Variants in POLR3H observed in about 807,000 individuals in gnomAD.
POLR3H encodes DNA-directed RNA polymerase III subunit RPC8.
Under a neutral mutation model 25.5 loss-of-function variants are expected in POLR3H, and 17 were observed. That is an observed-to-expected ratio of 0.67 (90% CI 0.46 to 1.00). The LOEUF (loss-of-function observed/expected upper bound fraction) is 1.00. Ranked by LOEUF, POLR3H falls within the 50% of genes least tolerant of loss-of-function variation. The probability of loss-of-function intolerance (pLI) is 0.00; values close to 1 mark genes in which losing one functional copy is unlikely to be tolerated. For synonymous variants in POLR3H, 129 were observed against 103.0 expected (o/e 1.25, Z -1.53); for missense variants, 274 against 265.0 (o/e 1.03, Z -0.24).
At chr22:41,536,439 T>C (rs1224403561) in intron 2 of POLR3H, among the ~76,000 whole-genome samples, 1 of 151,678 alleles carries the variant, frequency 6.6e-6, no homozygotes, top group East Asian at 2.0e-4. Context: ...GAAGGTTGCA[T>C]AAGAATATGA....
Position 41,528,601 on chromosome 22 carries a change from A to T in POLR3H, c.*682T>A, listed in dbSNP as rs1376219594. The T allele has an allele frequency of 6.2e-7, 1 of 1,610,682 alleles. No homozygotes were observed. Among genetic ancestry groups the T allele is most frequent in the Non-Finnish European group, 8.5e-7 (1 of 1,179,742 alleles). ...GCAGTGCCCTCAACAGAATGAAGGA[A>T]CTGCAACAGTGAGGGCAGTGCCTCC... On this transcript the variant is annotated 3_prime_UTR_variant, in exon 6 of 6. Coordinates refer to ENST00000355209, the MANE Select transcript of POLR3H (RefSeq NM_001018050.4).
At chr22:41,534,500 G>C (rs2066807562) in intron 2 of POLR3H, among the ~76,000 whole-genome samples, 1 of 152,192 alleles carries the variant, frequency 6.6e-6, no homozygotes, top group African/African-American at 2.4e-5. Context: ...CACATCCATA[G>C]AGACAGAAAG....
At chr22:41,530,632 C>T in intron 5 of POLR3H, 55 bp downstream of exon 5, 1 of 1,508,534 alleles carries the variant, frequency 6.6e-7, no homozygotes, top group Non-Finnish European at 9.0e-7. Context: ...GCTTCCAGCC[C>T]TGCACTCCGG....
At position 41,527,612 on chromosome 22, in the gene POLR3H, C is replaced by T; in HGVS notation, c.*1671G>A. The stretch of plus-strand genomic sequence containing the variant: ...CTCAGCTTCCCGGCTTCCCGCAGGC[C>T]CTGCTTCCAGGCTTGTAGATCTGAG... On this transcript the variant is annotated 3_prime_UTR_variant, in exon 6 of 6. Coordinates refer to ENST00000355209, the MANE Select transcript of POLR3H (RefSeq NM_001018050.4). 3.4e-6 allele frequency: 3 copies of T among 881,306 alleles called. No homozygotes were observed. Among genetic ancestry groups the T allele is most frequent in the East Asian group, 5.3e-5 (2 of 37,674 alleles). 54.6% of individuals were successfully genotyped at this position (881,306 alleles called of 1,614,324 possible).
At position 41,529,218 on chromosome 22, in the gene POLR3H, T is replaced by C. The variant is rs2066669675; in HGVS notation, c.*65A>G. The stretch of plus-strand genomic sequence containing the variant: ...TCCTTAGCATCGGCCTCAGCTGCTG[T>C]TGTCTTCACAGCCGGCCATACCACC... On this transcript the variant is annotated 3_prime_UTR_variant, in exon 6 of 6. Coordinates refer to ENST00000355209, the MANE Select transcript of POLR3H (RefSeq NM_001018050.4). 3 of 1,427,002 alleles carry C rather than the reference T, an allele frequency of 2.1e-6. No homozygotes were observed. The highest frequency in any genetic ancestry group is 2.9e-6 in the Non-Finnish European group (3 of 1,024,582). 88.4% of individuals were successfully genotyped at this position (1,427,002 alleles called of 1,614,324 possible). A position where few individuals can be genotyped will look rare whatever the true frequency, so the allele number is the denominator to read the frequency against.
chr22:41,527,723 C>A lies in POLR3H; in HGVS notation c.*1560G>T. 9.7e-7 allele frequency: 1 copy of A among 1,035,742 alleles called. No homozygotes were observed. 64.2% of individuals were successfully genotyped at this position (1,035,742 alleles called of 1,614,324 possible). A position where few individuals can be genotyped will look rare whatever the true frequency, so the allele number is the denominator to read the frequency against. ...GGCCTCGCAGACCTCAGCACCAGCG[C>A]ACACTTGCTAGGGGCACCCCTAGTG... On this transcript the variant is annotated 3_prime_UTR_variant, in exon 6 of 6. Coordinates refer to ENST00000355209, the MANE Select transcript of POLR3H (RefSeq NM_001018050.4).
Position 41,527,861 on chromosome 22 carries a change from T to TAGTC in POLR3H, c.*1418_*1421dup. ...GTTCAGAAAATGAAGCTCTCCAGGC[T>TAGTC]AGTCAGGCCCCCGATGACCGAATGC... On this transcript the variant is annotated 3_prime_UTR_variant, in exon 6 of 6. Coordinates refer to ENST00000355209, the MANE Select transcript of POLR3H (RefSeq NM_001018050.4). 1.2e-6 allele frequency: 2 copies of TAGTC among 1,614,010 alleles called. No individual in the cohort carries two copies. Among genetic ancestry groups the TAGTC allele is most frequent in the Non-Finnish European group, 1.7e-6 (2 of 1,179,990 alleles).
In POLR3H at chr22:41,529,262, G is replaced by T; in HGVS notation, c.*21C>A. 6.2e-7 allele frequency: 1 copy of T among 1,608,178 alleles called. No homozygotes were observed. Among genetic ancestry groups the T allele is most frequent in the Non-Finnish European group, 8.5e-7 (1 of 1,176,148 alleles). On this transcript the variant is annotated 3_prime_UTR_variant, in exon 6 of 6. Coordinates refer to ENST00000355209, the MANE Select transcript of POLR3H (RefSeq NM_001018050.4). ...TACCACCTTCCCGCAGGCTGGTAGG[G>T]TCCACTGTCCAGCCCCAGGGCTAGT...
Position 41,526,974 on chromosome 22 carries a change from C to A in POLR3H, c.*2309G>T, listed in dbSNP as rs1340906204. The A allele has an allele frequency of 2.2e-6, 1 of 459,974 alleles. No homozygotes were observed. Among genetic ancestry groups the A allele is most frequent in the Non-Finnish European group, 3.9e-6 (1 of 255,098 alleles). The allele number at this position is 459,974 out of a possible 1,614,324, so 28.5% of individuals were successfully genotyped here. On this transcript the variant is annotated 3_prime_UTR_variant, in exon 6 of 6. Transcript: ENST00000355209. ...CTTCACAGATGCATCTTGTGTGGGG[C>A]CCGGAGGCCGTCCCTGTCTCACCCA...
intron 2 of POLR3H, among the ~76,000 whole-genome samples, chr22:41,538,907 A>G (rs2066889015): frequency 6.6e-6 from 1 of 152,210 alleles, no homozygotes; most frequent in South Asian, 2.1e-4. Flanking sequence ...GCTGACCAGT[A>G]TGGACTACAG....
At position 41,526,165 on chromosome 22, in the gene POLR3H, C is replaced by T. The variant is rs918008829; in HGVS notation, c.*3118G>A. 7.0e-6 allele frequency: 8 copies of T among 1,149,274 alleles called. No individual in the cohort carries two copies. The African/African-American group carries it at 1.2e-4, about 18-fold the overall frequency. 71.2% of individuals were successfully genotyped at this position (1,149,274 alleles called of 1,614,324 possible). ...TGCCTCTCACCCCTCTGTCACCCCT[C>T]CTGGGCCCCGGGGCCTGCTGCCTGC... On this transcript the variant is annotated 3_prime_UTR_variant, in exon 6 of 6. Coordinates refer to ENST00000355209, the MANE Select transcript of POLR3H (RefSeq NM_001018050.4).
At position 41,529,803 on chromosome 22, in the gene POLR3H, T is replaced by C. The variant is rs56260904; in HGVS notation, c.562-467A>G. The stretch of plus-strand genomic sequence containing the variant: ...GACAGTCTCGCACTGTCACCCGGGC[T>C]GGAGTGGAGTGGCACGATCTTGGCT... On this transcript the variant is annotated intron_variant, in intron 5 of 5. Coordinates refer to ENST00000355209, the MANE Select transcript of POLR3H (RefSeq NM_001018050.4). The C allele has an allele frequency of 4.9e-3, 2,094 of 424,450 alleles. 41 individuals are homozygous for C. Among genetic ancestry groups the C allele is most frequent in the African/African-American group, 0.04 (1,937 of 48,226 alleles). The allele number at this position is 424,450 out of a possible 1,614,324, so 26.3% of individuals were successfully genotyped here.
At position 41,528,089 on chromosome 22, in the gene POLR3H, T is replaced by C; in HGVS notation, c.*1194A>G. The C allele has an allele frequency of 6.2e-7, 1 of 1,606,560 alleles. No homozygotes were observed. The highest frequency in any genetic ancestry group is 2.0e-4 in the Middle Eastern group (1 of 5,126). On this transcript the variant is annotated 3_prime_UTR_variant, in exon 6 of 6. Coordinates refer to ENST00000355209, the MANE Select transcript of POLR3H (RefSeq NM_001018050.4). Reference sequence around the variant, plus strand: ...AGCCACCTTGTTTCCCCTCCTGCACTGGCCCCAGGGTAGCTTCTCCCAGGA... The same window carrying C: ...AGCCACCTTGTTTCCCCTCCTGCACCGGCCCCAGGGTAGCTTCTCCCAGGA...
chr22:41,526,542 A>G lies in POLR3H; in HGVS notation c.*2741T>C. 6.9e-7 allele frequency: 1 copy of G among 1,449,632 alleles called. No homozygotes were observed. The highest frequency in any genetic ancestry group is 9.3e-7 in the Non-Finnish European group (1 of 1,077,732). 89.8% of individuals were successfully genotyped at this position (1,449,632 alleles called of 1,614,324 possible). ...CAGGGAGGACATTAGGGGAGTGGAA[A>G]CTGGGAAGGAGGCCGACCAAGCCCA... On this transcript the variant is annotated 3_prime_UTR_variant, in exon 6 of 6. Transcript: ENST00000355209.
intron 2 of POLR3H, among the ~76,000 whole-genome samples, chr22:41,534,834 C>T (rs1050464884): frequency 6.7e-6 from 1 of 149,014 alleles, no homozygotes; most frequent in African/African-American, 2.5e-5. Context: ...GCAGAGGTTA[C>T]AGTGAGCTGA....
Position 41,530,650 on chromosome 22 carries a change from G to A in POLR3H, c.561+37C>T, listed in dbSNP as rs373784465. ...TCCAGCCCTGCACTCCGGCTCTCCC[G>A]CCTCATGGGGGCTTCAGCACCATCA... On this transcript the variant is annotated intron_variant, in intron 5 of 5. Transcript: ENST00000355209. 43 of 1,572,496 alleles carry A rather than the reference G, an allele frequency of 2.7e-5. No homozygotes were observed. In the South Asian group the frequency reaches 4.1e-4, roughly 15 times the overall value.
At chr22:41,540,605 G>C in intron 2 of POLR3H, 94 bp downstream of exon 2, 1 of 933,188 alleles carries the variant, frequency 1.1e-6, no homozygotes, top group East Asian at 2.4e-5. Flanking sequence ...CAGCCTTACA[G>C]GCACGCACCA....
In POLR3H at chr22:41,526,347, A is replaced by G; in HGVS notation, c.*2936T>C. On this transcript the variant is annotated 3_prime_UTR_variant, in exon 6 of 6. Transcript: ENST00000355209. ...GGGCACTTGGATAACATCTCCAACA[A>G]CCTGCTCATTGGTGCCATCAACATT... 1 of 1,613,376 alleles carries G rather than the reference A, an allele frequency of 6.2e-7. No homozygotes were observed. The highest frequency in any genetic ancestry group is 8.5e-7 in the Non-Finnish European group (1 of 1,180,006).
At position 41,528,345 on chromosome 22, in the gene POLR3H, C is replaced by CCTCTT; in HGVS notation, c.*937_*938insAAGAG. 1.5e-6 allele frequency: 2 copies of CCTCTT among 1,314,814 alleles called. No homozygotes were observed. Among genetic ancestry groups the CCTCTT allele is most frequent in the Non-Finnish European group, 2.1e-6 (2 of 973,292 alleles). The allele number at this position is 1,314,814 out of a possible 1,614,324, so 81.4% of individuals were successfully genotyped here. On this transcript the variant is annotated 3_prime_UTR_variant, in exon 6 of 6. Transcript: ENST00000355209. ...TGGGTCTGACCTGGGCCATCAGGCA[C>CCTCTT]AGACTGGCCTAGGATTTGGTTTGCC...
Sources: gnomAD v4.1 joint callset for allele counts (sites outside exome capture counted in the v4.1 genomes callset) on GRCh38, gnomAD v4.1.1 for gene constraint, MANE v1.5 for transcripts, NCBI Gene and HGNC (gene_info 2026-07-23, HGNC 2026-07-21) for gene names.